The following PAQR5 variants were observed in gnomAD, a reference collection of about 807,000 sequenced individuals.
The protein encoded by PAQR5 is progestin and adipoQ receptor family member 5.
Under a neutral mutation model 34.5 loss-of-function variants are expected in PAQR5, and 20 were observed. The ratio of observed to expected loss-of-function variants is 0.58; its 90% CI spans 0.41 to 0.84. The LOEUF is 0.84. Among genes scored for constraint, PAQR5 ranks in the 40% least tolerant of loss-of-function variants. The pLI, the probability that PAQR5 is intolerant of heterozygous loss-of-function variation, is 0.00. For synonymous variants in PAQR5, 131 were observed against 155.6 expected (o/e 0.84, Z 1.18); for missense variants, 378 against 412.7 (o/e 0.92, Z 0.73).
chr15:69,350,812 G>C (rs2054898913), intron 2 of PAQR5, among the ~76,000 whole-genome samples: 2 of 152,118 alleles, frequency 1.3e-5, no homozygotes, highest in East Asian at 1.9e-4. Context: ...CCCTCAGGGA[G>C]GGGGACACTA....
chr15:69,362,768 AG>A (rs1399900531), intron 3 of PAQR5, among the ~76,000 whole-genome samples: 2 of 152,246 alleles, frequency 1.3e-5, no homozygotes, highest in East Asian at 3.9e-4. Flanking sequence ...GGGCACTTTG[AG>A]GGGTAGAGCA....
chr15:69,362,600 C>G (rs548234150), intron 3 of PAQR5, among the ~76,000 whole-genome samples: 2 of 152,328 alleles, frequency 1.3e-5, no homozygotes, highest in African/African-American at 4.8e-5. Context: ...GATAATCTCT[C>G]TACCTCAGCT....
rs917534048 is a variant in PAQR5, at chr15:69,385,978, C to T, written c.385+1096C>T. ...CATGCACACTCTCAAACACTACACA[C>T]ACACACCACCCATACTGACACACAC... On this transcript the variant is annotated intron_variant, in intron 5 of 8. Transcript: ENST00000395407. The surrounding 1 kb of genome is among the most constrained non-coding windows in gnomAD (Gnocchi z 4.7). Among the ~76,000 whole-genome samples the T allele has an allele frequency of 3.2e-4, 48 of 151,626 alleles. No individual in the cohort carries two copies. Among genetic ancestry groups the T allele is most frequent in the East Asian group, 1.7e-3 (9 of 5,152 alleles).
chr15:69,354,673 G>A (rs1315489242), intron 2 of PAQR5, among the ~76,000 whole-genome samples: 2 of 152,074 alleles, frequency 1.3e-5, no homozygotes, highest in Admixed American at 1.3e-4. Context: ...TTAATTTTAG[G>A]TGTCCACTTG....
At position 69,403,924 on chromosome 15, in the gene PAQR5, C is replaced by A; in HGVS notation, c.*102C>A. The A allele has an allele frequency of 8.1e-7, 1 of 1,230,402 alleles. No individual in the cohort carries two copies. The highest frequency in any genetic ancestry group is 1.1e-6 in the Non-Finnish European group (1 of 883,034). The allele number at this position is 1,230,402 out of a possible 1,614,324, so 76.2% of individuals were successfully genotyped here. On this transcript the variant is annotated 3_prime_UTR_variant, in exon 9 of 9. Transcript: ENST00000395407. ...ACAGCTTATCATGGCCTAAAATATTCATAATGGTTGGTGTCTTTTGAATGA... is the reference window on the plus strand; with the variant it reads ...ACAGCTTATCATGGCCTAAAATATTAATAATGGTTGGTGTCTTTTGAATGA...
intron 3 of PAQR5, chr15:69,379,396 T>C: frequency 1.0e-6 from 1 of 984,718 alleles, no homozygotes; most frequent in Non-Finnish European, 1.2e-6. Context: ...GTCCTCATCA[T>C]CAAAAGCCCT....
chr15:69,326,849 G>A (rs142056880), intron 1 of PAQR5, among the ~76,000 whole-genome samples: 79 of 140,960 alleles, frequency 5.6e-4, no homozygotes, highest in African/African-American at 1.9e-3. Flanking sequence ...AACATCTTGC[G>A]TTAGTGTGTA....
At chr15:69,365,046 A>AATTTTATTTT (rs71803465) in intron 3 of PAQR5, among the ~76,000 whole-genome samples, 161 of 132,042 alleles carry the variant, frequency 1.2e-3, no homozygotes, top group African/African-American at 4.2e-3. Flanking sequence ...TTCCCTTATG[A>AATTTTATTTT]ATTTTATTTT....
At chr15:69,340,179 T>C (rs556887864) in intron 2 of PAQR5, among the ~76,000 whole-genome samples, 7 of 152,108 alleles carry the variant, frequency 4.6e-5, no homozygotes, top group African/African-American at 1.7e-4. Context: ...CATTAACACC[T>C]TTTTTTCAAG....
chr15:69,393,064 T>C (rs1042730939), intron 6 of PAQR5, among the ~76,000 whole-genome samples: 3 of 151,320 alleles, frequency 2.0e-5, no homozygotes, highest in Non-Finnish European at 2.9e-5. Flanking sequence ...TTTCCAGGCA[T>C]ATTAGCAGCA....
intron 3 of PAQR5, among the ~76,000 whole-genome samples, chr15:69,364,282 T>C: frequency 6.6e-6 from 1 of 151,624 alleles, no homozygotes; most frequent in South Asian, 2.1e-4. Flanking sequence ...AGTGCTTAGA[T>C]CACCAATGTC....
chr15:69,323,792 ATCT>A (rs78725414), intron 1 of PAQR5, among the ~76,000 whole-genome samples: 19,865 of 152,120 alleles, frequency 0.13, 1,577 homozygotes, highest in Middle Eastern at 0.19. Context: ...AGCCTTCTAA[ATCT>A]TCTTCTGTTC....
intron 6 of PAQR5, among the ~76,000 whole-genome samples, chr15:69,395,024 G>A (rs561314498): frequency 1.3e-5 from 2 of 152,366 alleles, no homozygotes; most frequent in African/African-American, 2.4e-5. Context: ...TGCTTTGGGG[G>A]ATGGCCTTCG....
At chr15:69,328,758 C>T (rs191810469) in intron 1 of PAQR5, among the ~76,000 whole-genome samples, 2 of 152,332 alleles carry the variant, frequency 1.3e-5, no homozygotes, top group East Asian at 3.9e-4. Flanking sequence ...ACCCATCCCC[C>T]TGGGTCTGCA....
At chr15:69,313,393 AG>A (rs1297425972) in intron 1 of PAQR5, among the ~76,000 whole-genome samples, 1 of 152,024 alleles carries the variant, frequency 6.6e-6, no homozygotes, top group African/African-American at 2.4e-5. Context: ...CAGCTACTCA[AG>A]GGGGCTGAGG....
chr15:69,377,665 C>T (rs1595912124), intron 3 of PAQR5, among the ~76,000 whole-genome samples: 2 of 152,174 alleles, frequency 1.3e-5, no homozygotes, highest in African/African-American at 2.4e-5. Context: ...CAAGCCCTCT[C>T]ATTTTACACA....
intron 6 of PAQR5, chr15:69,391,943 G>A (rs995721845): frequency 2.6e-6 from 1 of 391,274 alleles, no homozygotes; most frequent in Non-Finnish European, 5.1e-6. Context: ...TGTAATCCCA[G>A]CTACTCAAGA....
chr15:69,331,003 G>T (rs935745895), intron 1 of PAQR5, among the ~76,000 whole-genome samples: 3 of 152,194 alleles, frequency 2.0e-5, no homozygotes, highest in Non-Finnish European at 4.4e-5. Flanking sequence ...GGCTGACTCA[G>T]GGACTCTCTG....
At chr15:69,325,585 C>CTGAATGAATGAA (rs67697746) in intron 1 of PAQR5, among the ~76,000 whole-genome samples, 39 of 150,380 alleles carry the variant, frequency 2.6e-4, no homozygotes, top group African/African-American at 9.6e-4. Flanking sequence ...GAAATGTGTG[C>CTGAATGAATGAA]TGAATGAATG....
Sources: allele counts gnomAD v4.1 joint callset (sites outside exome capture counted in the v4.1 genomes callset), GRCh38; gene constraint gnomAD v4.1.1; non-coding constraint Gnocchi (gnomAD v3.1); transcripts MANE v1.5; gene names NCBI Gene and HGNC (gene_info 2026-07-23, HGNC 2026-07-21).